DENND1B: variants seen among roughly 807,000 people sequenced by gnomAD.
DENND1B encodes DENN domain-containing protein 1B.
DENND1B carries 59 observed loss-of-function variants against 90.1 expected under a neutral mutation model. The observed-to-expected ratio is 0.65, with a 90% CI of 0.53 to 0.81. The LOEUF (loss-of-function observed/expected upper bound fraction) is 0.81. Among genes scored for constraint, DENND1B ranks in the 40% least tolerant of loss-of-function variants. The pLI, the probability that DENND1B is intolerant of heterozygous loss-of-function variation, is 0.00. For missense variants in DENND1B, 862 were observed against 912.6 expected (o/e 0.94, Z 0.71); for synonymous variants, 337 against 324.6 (o/e 1.04, Z -0.41).
intron 3 of DENND1B, among the ~76,000 whole-genome samples, chr1:197,704,128 C>A (rs1424624102): frequency 6.6e-6 from 1 of 152,094 alleles, no homozygotes; most frequent in Admixed American, 6.5e-5. Context: ...GCCTGTAGTC[C>A]TAGCCACTTT....
At chr1:197,608,097 C>T (rs1289464864) in intron 12 of DENND1B, among the ~76,000 whole-genome samples, 1 of 150,482 alleles carries the variant, frequency 6.6e-6, no homozygotes, top group African/African-American at 2.4e-5. Context: ...TGGTGGTCTA[C>T]AATAATAGTC....
intron 2 of DENND1B, among the ~76,000 whole-genome samples, chr1:197,749,565 T>C (rs977175775): frequency 2.6e-5 from 4 of 151,998 alleles, no homozygotes; most frequent in African/African-American, 9.7e-5. Flanking sequence ...AATTAAGATA[T>C]AATAAAGACA....
At chr1:197,567,821 A>T (rs1672807784) in intron 15 of DENND1B, among the ~76,000 whole-genome samples, 1 of 152,190 alleles carries the variant, frequency 6.6e-6, no homozygotes, top group African/African-American at 2.4e-5. Context: ...CCACAATAAA[A>T]GGAAAAATAT....
chr1:197,611,955 A>C lies in DENND1B; in HGVS notation c.795T>G (p.Ile265Met). 1 of 1,604,220 alleles carries C rather than the reference A, an allele frequency of 6.2e-7. No homozygotes were observed. The highest frequency in any genetic ancestry group is 1.1e-5 in the South Asian group (1 of 90,692). The part of the protein sequence containing the change: ...DYCCAPMPYL[I>M]GIHSSLIERV... ...CCTCTATGAGGCTGGAGTGTATTCC[A>C]ATCAGGTATGGCATTGGGGCACTAA... Residue 265 changes from isoleucine (I) to methionine (M), a missense_variant, in exon 12 of 23, where the codon ATT becomes ATG. Coordinates refer to ENST00000620048, the MANE Select transcript of DENND1B (RefSeq NM_001195215.2).
At chr1:197,562,262 T>C (rs997486743) in intron 15 of DENND1B, among the ~76,000 whole-genome samples, 5 of 151,942 alleles carry the variant, frequency 3.3e-5, no homozygotes, top group Admixed American at 3.3e-4. Context: ...ATACAATGGA[T>C]ACAGGCATAT....
At chr1:197,759,378 C>T (rs995301646) in intron 2 of DENND1B, among the ~76,000 whole-genome samples, 1 of 149,748 alleles carries the variant, frequency 6.7e-6, no homozygotes, top group African/African-American at 2.4e-5. Flanking sequence ...AAGAATTAAG[C>T]TAAAACATTT....
At chr1:197,665,797 C>T (rs1469612285) in intron 5 of DENND1B, among the ~76,000 whole-genome samples, 1 of 152,012 alleles carries the variant, frequency 6.6e-6, no homozygotes, top group African/African-American at 2.4e-5. Flanking sequence ...TAGAAGATAG[C>T]TCACAAATGA....
intron 15 of DENND1B, among the ~76,000 whole-genome samples, chr1:197,579,004 G>A (rs1035921064): frequency 2.0e-5 from 3 of 152,176 alleles, no homozygotes; most frequent in African/African-American, 7.2e-5. Flanking sequence ...AAGGCTTTCC[G>A]AGTGATTCAG....
At chr1:197,723,382 G>A (rs1661356436) in intron 2 of DENND1B, among the ~76,000 whole-genome samples, 1 of 152,066 alleles carries the variant, frequency 6.6e-6, no homozygotes, top group Non-Finnish European at 1.5e-5. Flanking sequence ...GGTGATCATG[G>A]TAATCGAACC....
intron 15 of DENND1B, among the ~76,000 whole-genome samples, chr1:197,555,382 C>A (rs1272631858): frequency 6.6e-6 from 1 of 151,998 alleles, no homozygotes; most frequent in Non-Finnish European, 1.5e-5. Context: ...AACTAAAGAG[C>A]TTCTGCACAG....
intron 20 of DENND1B, among the ~76,000 whole-genome samples, chr1:197,516,339 T>C (rs1274083848): frequency 6.6e-6 from 1 of 151,816 alleles, no homozygotes; most frequent in African/African-American, 2.4e-5. Flanking sequence ...GCAGTTTATA[T>C]ATAAGAAATA....
In DENND1B at chr1:197,715,040, A is replaced by C. The variant is rs1660512003; in HGVS notation, c.117T>G (p.Phe39Leu). Residue 39 changes from phenylalanine (F) to leucine (L), a missense_variant, in exon 3 of 23, where the codon TTT becomes TTG. Phe to Leu is a conservative substitution (Grantham distance 22). Coordinates refer to ENST00000620048, the MANE Select transcript of DENND1B (RefSeq NM_001195215.2). ...PVVLWKFPED[F>L]GDQEILQSVP... ...ATTATGTGGTACCAACCTGGTCTCC[A>C]AAGTCCTCTGGGAATTTCCACAATA... The C allele has an allele frequency of 6.2e-7, 1 of 1,611,274 alleles. No homozygotes were observed. The highest frequency in any genetic ancestry group is 8.5e-7 in the Non-Finnish European group (1 of 1,178,454).
rs78829484 is a variant in DENND1B at position 197,646,403 on chromosome 1, T to C, written c.507+652A>G. On this transcript the variant is annotated intron_variant, in intron 8 of 22. Transcript: ENST00000620048. ...ATGTTCAAAGAAGTAAAACAGTTCATCAGAATACTTACATAAAGAATACAT... is the reference window on the plus strand; with the variant it reads ...ATGTTCAAAGAAGTAAAACAGTTCACCAGAATACTTACATAAAGAATACAT... Among the ~76,000 whole-genome samples the C allele has an allele frequency of 8.4e-3, 1,282 of 152,088 alleles. 19 individuals are homozygous for C. The highest frequency in any genetic ancestry group is 0.028 in the African/African-American group (1,178 of 41,568).
intron 14 of DENND1B, among the ~76,000 whole-genome samples, chr1:197,587,310 T>C (rs1005553332): frequency 6.6e-6 from 1 of 151,900 alleles, no homozygotes; most frequent in African/African-American, 2.4e-5. Flanking sequence ...CGTAGAAACA[T>C]AAAACAATGG....
At chr1:197,639,023 ATATCT>A (rs910736314) in intron 10 of DENND1B, among the ~76,000 whole-genome samples, 2 of 151,974 alleles carry the variant, frequency 1.3e-5, no homozygotes, top group African/African-American at 4.8e-5. Context: ...CTGTGCTTAC[ATATCT>A]TAATTTTTTT....
chr1:197,659,459 C>A (rs928045670), intron 5 of DENND1B, among the ~76,000 whole-genome samples: 77 of 151,918 alleles, frequency 5.1e-4, no homozygotes, highest in African/African-American at 1.6e-3. Context: ...ACAAATACTA[C>A]GTAATGATAT....
intron 15 of DENND1B, among the ~76,000 whole-genome samples, chr1:197,556,196 C>A (rs1671701616): frequency 6.6e-6 from 1 of 151,774 alleles, no homozygotes; most frequent in Non-Finnish European, 1.5e-5. Flanking sequence ...ACTGGAGAGT[C>A]CAAATTGTGG....
Position 197,510,776 on chromosome 1 carries a change from T to C in DENND1B, c.2012A>G (p.His671Arg). 6.2e-7 allele frequency: 1 copy of C among 1,612,402 alleles called. No homozygotes were observed. The highest frequency in any genetic ancestry group is 8.5e-7 in the Non-Finnish European group (1 of 1,179,054). The change falls in exon 23 of 23, where the codon CAC becomes CGC. Residue 671 changes from histidine to arginine, a missense_variant. By Grantham distance (29) the His-to-Arg change is conservative (BLOSUM62 0). Coordinates refer to ENST00000620048, the MANE Select transcript of DENND1B (RefSeq NM_001195215.2). ...GTCACTCACATTGTCAGCACCGAGG[T>C]GCTTGTTACTGTTTTCCTCTTTCAG... ...FILKEENSNK[H>R]LGADNVSDPT...
chr1:197,623,560 T>A (rs1416282299), intron 10 of DENND1B, among the ~76,000 whole-genome samples: 2 of 151,454 alleles, frequency 1.3e-5, no homozygotes, highest in Non-Finnish European at 3.0e-5. Context: ...AAAAACAATA[T>A]TTTGTACATT....
Sources: gnomAD v4.1 joint callset for allele counts (sites outside exome capture counted in the v4.1 genomes callset) on GRCh38, gnomAD v4.1.1 for gene constraint, MANE v1.5 for transcripts, NCBI Gene and HGNC (gene_info 2026-07-23, HGNC 2026-07-21) for gene names.